ABI2: variants seen among roughly 807,000 people sequenced by gnomAD.
The protein encoded by ABI2 is abl interactor 2.
A neutral mutation model predicts 59.2 loss-of-function variants in ABI2; 25 were observed. That is an observed-to-expected ratio of 0.42 (90% confidence interval 0.31 to 0.59). The LOEUF (loss-of-function observed/expected upper bound fraction) is 0.59. Ranked by LOEUF, ABI2 falls within the 20% of genes least tolerant of loss-of-function variation. The pLI, the probability that ABI2 is intolerant of heterozygous loss-of-function variation, is 0.14. For missense variants in ABI2, 545 were observed against 681.8 expected (o/e 0.80, Z 2.23); for synonymous variants, 213 against 235.5 (o/e 0.90, Z 0.87).
At chr2:203,338,133 A>G (rs1160198605) in intron 1 of ABI2, among the ~76,000 whole-genome samples, 1 of 152,276 alleles carries the variant, frequency 6.6e-6, no homozygotes, top group Non-Finnish European at 1.5e-5. Flanking sequence ...TGTGCAGTCA[A>G]CTAAGCTTTG....
chr2:203,363,074 G>A (rs563428790), intron 1 of ABI2, among the ~76,000 whole-genome samples: 1 of 151,960 alleles, frequency 6.6e-6, no homozygotes, highest in East Asian at 1.9e-4. Flanking sequence ...CAAGTGATCC[G>A]CCTGCCTCGG....
intron 1 of ABI2, among the ~76,000 whole-genome samples, chr2:203,347,596 A>G (rs2084504823): frequency 6.6e-6 from 1 of 152,240 alleles, no homozygotes; most frequent in African/African-American, 2.4e-5. Context: ...AGCTGAGAGA[A>G]GAGATAACAA....
chr2:203,394,914 T>A, intron 6 of ABI2, 68 bp downstream of exon 6: 1 of 1,538,992 alleles, frequency 6.5e-7, no homozygotes, highest in Non-Finnish European at 8.9e-7. Flanking sequence ...TTACTTCAGG[T>A]AAATCTCTCA....
chr2:203,416,756 G>A (rs2097910106), intron 10 of ABI2, 152 bp from the exon 11 acceptor site: 9 of 772,992 alleles, frequency 1.2e-5, no homozygotes, highest in Admixed American at 3.3e-5. Flanking sequence ...GTTATAGTTG[G>A]TGGGAAGACT....
In ABI2 at chr2:203,368,984, A is replaced by AATTTTTTTTTTTTTTTTTTTTTTTTTTT. The variant is rs1312712237; in HGVS notation, c.285+1940_285+1941insATTTTTTTTTTTTTTTTTTTTTTTTTTT. On this transcript the variant is annotated intron_variant, in intron 2 of 11. Transcript: ENST00000261018. ...TACAGGCACGTGCCATGCTTGGCTG[A>AATTTTTTTTTTTTTTTTTTTTTTTTTTT]TTTTTTTTTTTTTTTTTTTTTTTTT... 1.1e-4 allele frequency among the ~76,000 whole-genome samples: 10 copies of AATTTTTTTTTTTTTTTTTTTTTTTTTTT among 91,118 alleles called. 5 individuals are homozygous for AATTTTTTTTTTTTTTTTTTTTTTTTTTT. The highest frequency in any genetic ancestry group is 1.8e-4 in the African/African-American group (4 of 22,452). The allele number at this position is 91,118 out of a possible 152,430, so 59.8% of individuals were successfully genotyped here.
intron 1 of ABI2, chr2:203,328,993 G>A (rs1412829116): frequency 2.8e-5 from 5 of 179,428 alleles, no homozygotes; most frequent in South Asian, 3.7e-4. Flanking sequence ...CCCACCTTAG[G>A]GTAGGGGTGT....
chr2:203,375,661 A>G lies in ABI2; in HGVS notation c.286-4547A>G, dbSNP rs186984867. Among the ~76,000 whole-genome samples, 7 of 152,354 alleles carry G rather than the reference A, an allele frequency of 4.6e-5. No homozygotes were observed. In the East Asian group the frequency reaches 7.7e-4, roughly 17 times the overall value. On this transcript the variant is annotated intron_variant, in intron 2 of 11. Coordinates refer to ENST00000261018, the MANE Select transcript of ABI2 (RefSeq NM_001375670.1). The stretch of plus-strand genomic sequence containing the variant: ...TCCTAAATTTCTTTTACAACTGACA[A>G]TTGTCTACGAATTTATGAATGTTAA...
chr2:203,382,549 T>C (rs964838208), intron 4 of ABI2, among the ~76,000 whole-genome samples: 2 of 152,164 alleles, frequency 1.3e-5, no homozygotes, highest in Admixed American at 1.3e-4. Flanking sequence ...TTATGAAATA[T>C]AATTAGCTGG....
intron 11 of ABI2, among the ~76,000 whole-genome samples, chr2:203,421,100 G>C (rs2098184254): frequency 6.6e-6 from 1 of 151,962 alleles, no homozygotes; most frequent in South Asian, 2.1e-4. Flanking sequence ...AAATTATGGA[G>C]GATTTTTAAA....
At position 203,380,375 on chromosome 2, in the gene ABI2, T is replaced by C; in HGVS notation, c.453T>C (p.His151=). 6.4e-7 allele frequency: 1 copy of C among 1,552,628 alleles called. No homozygotes were observed. Among genetic ancestry groups the C allele is most frequent in the Non-Finnish European group, 8.7e-7 (1 of 1,155,448 alleles). ...IDYTILDDIG[H]GVKWLLRFKV... Reference sequence around the variant, plus strand: ...ATACAATTCTAGATGATATTGGACATGGAGTAAAGGTAGGTATAATTTTTT... The same window carrying C: ...ATACAATTCTAGATGATATTGGACACGGAGTAAAGGTAGGTATAATTTTTT... The change falls in exon 3 of 12, where the codon CAT becomes CAC. Residue 151 remains histidine (H), a synonymous_variant. Coordinates refer to ENST00000261018, the MANE Select transcript of ABI2 (RefSeq NM_001375670.1).
intron 4 of ABI2, among the ~76,000 whole-genome samples, chr2:203,388,395 A>C (rs990166280): frequency 6.6e-6 from 1 of 152,150 alleles, no homozygotes; most frequent in East Asian, 1.9e-4. Flanking sequence ...TATTCATAGA[A>C]ATGTTGGCCA....
intron 9 of ABI2, among the ~76,000 whole-genome samples, chr2:203,409,845 G>T (rs1272435102): frequency 1.3e-5 from 2 of 152,134 alleles, no homozygotes; most frequent in Non-Finnish European, 2.9e-5. Context: ...TATCCAAACA[G>T]CCAGGAAATG....
intron 1 of ABI2, among the ~76,000 whole-genome samples, chr2:203,333,219 G>A (rs1458222345): frequency 6.6e-6 from 1 of 152,018 alleles, no homozygotes; most frequent in Non-Finnish European, 1.5e-5. Flanking sequence ...AATACAAGTA[G>A]GTATTATGAA....
chr2:203,396,782 C>A lies in ABI2; in HGVS notation c.851-3C>A. On this transcript the variant is annotated splice_region_variant and splice_polypyrimidine_tract_variant and intron_variant, in intron 7 of 11. Coordinates refer to ENST00000261018, the MANE Select transcript of ABI2 (RefSeq NM_001375670.1). ...GCTGCCTCTTACTCCTCTTTCCCCT[C>A]AGCCCCTGCTGGCTCTGCTGGCACT... 6.6e-7 allele frequency: 1 copy of A among 1,525,690 alleles called. No individual in the cohort carries two copies. Among genetic ancestry groups the A allele is most frequent in the East Asian group, 2.5e-5 (1 of 40,448 alleles). 94.5% of individuals were successfully genotyped at this position (1,525,690 alleles called of 1,614,324 possible). A position where few individuals can be genotyped will look rare whatever the true frequency, so the allele number is the denominator to read the frequency against.
chr2:203,412,722 C>G (rs1173834858), intron 10 of ABI2, among the ~76,000 whole-genome samples: 1 of 152,188 alleles, frequency 6.6e-6, no homozygotes, highest in Admixed American at 6.5e-5. Flanking sequence ...CAACATTCAA[C>G]TATTAATAGT....
In ABI2 at chr2:203,411,276, T is replaced by G. The variant is rs28377564; in HGVS notation, c.1193-9T>G. ...TCCCTTATCCTCCACACCTTTTTTG[T>G]TTTTGCAGTATCTCTTGCTCCTCCT... On this transcript the variant is annotated splice_polypyrimidine_tract_variant and intron_variant, in intron 9 of 11. Coordinates refer to ENST00000261018, the MANE Select transcript of ABI2 (RefSeq NM_001375670.1). The G allele has an allele frequency of 6.2e-7, 1 of 1,611,388 alleles. No homozygotes were observed. Among genetic ancestry groups the G allele is most frequent in the Admixed American group, 1.7e-5 (1 of 59,980 alleles).
intron 11 of ABI2, among the ~76,000 whole-genome samples, chr2:203,417,346 G>A (rs2097939581): frequency 6.6e-6 from 1 of 152,060 alleles, no homozygotes; most frequent in African/African-American, 2.4e-5. Context: ...GTGTTTTTCT[G>A]TTTTCCTTTG....
intron 1 of ABI2, among the ~76,000 whole-genome samples, chr2:203,350,681 G>A (rs1168207671): frequency 6.6e-6 from 1 of 151,270 alleles, no homozygotes; most frequent in Non-Finnish European, 1.5e-5. Flanking sequence ...CAGGGATTAC[G>A]GGTGCCCGCC....
intron 5 of ABI2, among the ~76,000 whole-genome samples, chr2:203,391,757 G>T (rs1430260694): frequency 6.6e-6 from 1 of 151,108 alleles, no homozygotes; most frequent in Non-Finnish European, 1.5e-5. Flanking sequence ...GGAGGTTGAG[G>T]CTGCAGTGAG....
Sources: allele counts gnomAD v4.1 joint callset (sites outside exome capture counted in the v4.1 genomes callset), GRCh38; gene constraint gnomAD v4.1.1; transcripts MANE v1.5; gene names NCBI Gene and HGNC (gene_info 2026-07-23, HGNC 2026-07-21).